Variants in TBC1D8 observed in about 807,000 individuals in gnomAD.
TBC1D8 encodes the protein TBC1 domain family member 8, also known as BUB2-like protein 1.
TBC1D8 carries 65 observed loss-of-function variants against 118.8 expected under a neutral mutation model. The ratio of observed to expected loss-of-function variants is 0.55; its 90% confidence interval spans 0.45 to 0.67. TBC1D8 has a LOEUF of 0.67. Ranked by LOEUF, TBC1D8 falls within the 30% of genes least tolerant of loss-of-function variation. The pLI, the probability that TBC1D8 is intolerant of heterozygous loss-of-function variation, is 0.00. For missense variants in TBC1D8, 1,376 were observed against 1,471.2 expected (o/e 0.94, Z 1.06); for synonymous variants, 566 against 595.8 (o/e 0.95, Z 0.73).
intron 1 of TBC1D8, among the ~76,000 whole-genome samples, chr2:101,149,934 A>T (rs1300285853): frequency 6.6e-6 from 1 of 152,154 alleles, no homozygotes; most frequent in Non-Finnish European, 1.5e-5. Context: ...TCCGTCCAGA[A>T]TCCTAACTAC....
intron 2 of TBC1D8, among the ~76,000 whole-genome samples, chr2:101,067,084 T>C (rs1683058312): frequency 6.6e-6 from 1 of 152,184 alleles, no homozygotes; most frequent in African/African-American, 2.4e-5. Flanking sequence ...TGTATTTGTA[T>C]GGTGTTGGAG....
chr2:101,056,228 C>CAG (rs5832947), intron 3 of TBC1D8, among the ~76,000 whole-genome samples: 117,001 of 148,110 alleles, frequency 0.79, 46,801 homozygotes, highest in Middle Eastern at 0.93. Context: ...TTTTTTGAGA[C>CAG]AGTCTCGCTC....
At chr2:101,118,063 C>G (rs1677912187) in intron 1 of TBC1D8, among the ~76,000 whole-genome samples, 1 of 151,996 alleles carries the variant, frequency 6.6e-6, no homozygotes, top group Non-Finnish European at 1.5e-5. Flanking sequence ...CCACTCTTAT[C>G]ACATCCATCA....
intron 3 of TBC1D8, among the ~76,000 whole-genome samples, chr2:101,056,903 T>C (rs1478416125): frequency 6.6e-6 from 1 of 152,014 alleles, no homozygotes; most frequent in South Asian, 2.1e-4. Context: ...AGGATATGAG[T>C]AGGAAAGCCT....
At chr2:101,103,674 G>A (rs111320796) in intron 1 of TBC1D8, among the ~76,000 whole-genome samples, 1,580 of 152,174 alleles carry the variant, frequency 0.01, 32 homozygotes, top group African/African-American at 0.036. Context: ...TTACAGGCGT[G>A]AGCCACCGCG....
At chr2:101,009,003 G>A (rs979624213) in intron 19 of TBC1D8, among the ~76,000 whole-genome samples, 5 of 152,184 alleles carry the variant, frequency 3.3e-5, no homozygotes, top group Non-Finnish European at 7.3e-5. Flanking sequence ...TTTTCTCAGT[G>A]TAATCTGAGA....
chr2:101,021,649 A>G, intron 17 of TBC1D8, 32 bp downstream of exon 17: 1 of 1,444,542 alleles, frequency 6.9e-7, no homozygotes, highest in East Asian at 2.3e-5. Flanking sequence ...GAAGCAGAGC[A>G]CAGTCTGATT....
intron 1 of TBC1D8, among the ~76,000 whole-genome samples, chr2:101,110,566 C>T (rs374270267): frequency 6.6e-6 from 1 of 152,122 alleles, no homozygotes; most frequent in African/African-American, 2.4e-5. Context: ...GGCTCCTTCA[C>T]GGTACACCAC....
intron 1 of TBC1D8, among the ~76,000 whole-genome samples, chr2:101,103,817 T>C (rs1318549954): frequency 6.6e-6 from 1 of 152,112 alleles, no homozygotes; most frequent in African/African-American, 2.4e-5. Flanking sequence ...TCTTCTTACA[T>C]CACTCCTATT....
At chr2:101,030,195 TTAAAACTGCTGTTCTCTAAAAGACA>T (rs1421158218) in intron 11 of TBC1D8, among the ~76,000 whole-genome samples, 1 of 152,188 alleles carries the variant, frequency 6.6e-6, no homozygotes, top group Non-Finnish European at 1.5e-5. Flanking sequence ...TTCATCAAAA[TTAAAACTGCTGTTCTCTAAAAGACA>T]CCATTAATAA....
intron 11 of TBC1D8, among the ~76,000 whole-genome samples, chr2:101,031,506 T>C (rs1471714453): frequency 4.6e-5 from 7 of 152,166 alleles, no homozygotes; most frequent in African/African-American, 1.7e-4. Flanking sequence ...CCACCTTAAT[T>C]TTAGGCCAGC....
intron 3 of TBC1D8, among the ~76,000 whole-genome samples, chr2:101,055,485 A>T (rs2105418882): frequency 6.6e-6 from 1 of 152,316 alleles, no homozygotes; most frequent in South Asian, 2.1e-4. Flanking sequence ...TGTGTGGCTC[A>T]CTTTGTAGCC....
chr2:101,079,680 GTTTT>G lies in TBC1D8; in HGVS notation c.283+10525_283+10528del, dbSNP rs35466679. Among the ~76,000 whole-genome samples the G allele has an allele frequency of 9.6e-3, 783 of 81,776 alleles. 8 individuals carry two copies. Among genetic ancestry groups the G allele is most frequent in the African/African-American group, 0.037 (744 of 20,368 alleles). 53.6% of individuals were successfully genotyped at this position (81,776 alleles called of 152,430 possible). ...CGTTTGAGTCACTGGGTCCAGTCTG[GTTTT>G]TTTTTTTTTTTTTTTTTTTGAGACG... is the stretch of plus-strand genomic sequence containing the variant. On this transcript the variant is annotated intron_variant, in intron 2 of 19. Transcript: ENST00000409318.
chr2:101,057,639 C>T (rs971808202), intron 3 of TBC1D8, among the ~76,000 whole-genome samples: 4 of 152,186 alleles, frequency 2.6e-5, no homozygotes, highest in Non-Finnish European at 4.4e-5. Context: ...GCTTGGGCAA[C>T]ATAATGAGAC....
At chr2:101,105,333 T>C (rs1378219832) in intron 1 of TBC1D8, among the ~76,000 whole-genome samples, 1 of 152,110 alleles carries the variant, frequency 6.6e-6, no homozygotes, top group African/African-American at 2.4e-5. Context: ...AAAATCTGAA[T>C]AGATATCTCA....
At chr2:101,135,172 A>C (rs1239733034) in intron 1 of TBC1D8, among the ~76,000 whole-genome samples, 1 of 152,180 alleles carries the variant, frequency 6.6e-6, no homozygotes, top group East Asian at 1.9e-4. Context: ...ACTCCGTCTC[A>C]AAAAAAGAAA....
At chr2:101,042,148 A>G (rs185022179) in intron 5 of TBC1D8, among the ~76,000 whole-genome samples, 2 of 152,288 alleles carry the variant, frequency 1.3e-5, no homozygotes, top group East Asian at 3.9e-4. Context: ...TGGCTCATGC[A>G]TCACATCAGT....
chr2:101,075,344 T>C (rs183688989), intron 2 of TBC1D8, among the ~76,000 whole-genome samples: 75 of 149,720 alleles, frequency 5.0e-4, no homozygotes, highest in African/African-American at 1.7e-3. Context: ...TGAGCCAAGA[T>C]TGCGCCACTG....
In TBC1D8 at chr2:101,127,581, A is replaced by C. The variant is rs371836721; in HGVS notation, c.127+23546T>G. On this transcript the variant is annotated intron_variant, in intron 1 of 19. Coordinates refer to ENST00000409318, the MANE Select transcript of TBC1D8 (RefSeq NM_001330348.2). ...GAGACAGGGTATCACTCTGTTGCCCAGGCTGGAGTGCAGCAGAACAATCAC... is the reference window on the plus strand; with the variant it reads ...GAGACAGGGTATCACTCTGTTGCCCCGGCTGGAGTGCAGCAGAACAATCAC... Among the ~76,000 whole-genome samples the C allele has an allele frequency of 1.8e-3, 269 of 152,282 alleles. 3 individuals carry two copies. The highest frequency in any genetic ancestry group is 4.2e-3 in the East Asian group (22 of 5,182).
Sources: allele counts gnomAD v4.1 joint callset (sites outside exome capture counted in the v4.1 genomes callset), GRCh38; gene constraint gnomAD v4.1.1; transcripts MANE v1.5; gene names NCBI Gene and HGNC (gene_info 2026-07-23, HGNC 2026-07-21).